Variants in RAD51B observed in about 807,000 individuals in gnomAD.
RAD51B encodes RAD51 paralog B.
A neutral mutation model predicts 42.2 loss-of-function variants in RAD51B; 38 were observed. The ratio of observed to expected loss-of-function variants is 0.90; its 90% CI spans 0.70 to 1.18. The LOEUF (loss-of-function observed/expected upper bound fraction) is 1.18, where lower values mean the gene tolerates loss of function less well. Ranked by LOEUF, RAD51B falls within the 50% of genes most tolerant of loss-of-function variation. The probability of loss-of-function intolerance (pLI) is 0.00; values close to 1 mark genes in which losing one functional copy is unlikely to be tolerated. For missense variants in RAD51B, 373 were observed against 400.7 expected, an observed-to-expected ratio of 0.93 and a Z score of 0.59; for synonymous variants, 154 against 145.2, an observed-to-expected ratio of 1.06 and a Z score of -0.43.
At chr14:68,104,142 G>T (rs949602539) in intron 7 of RAD51B, among the ~76,000 whole-genome samples, 1 of 152,146 alleles carries the variant, frequency 6.6e-6, no homozygotes, top group Non-Finnish European at 1.5e-5. Flanking sequence ...TTTTTATTTG[G>T]CATTTTTACT....
chr14:68,428,178 G>A (rs2084900047), intron 9 of RAD51B, among the ~76,000 whole-genome samples: 2 of 152,016 alleles, frequency 1.3e-5, no homozygotes, highest in Non-Finnish European at 2.9e-5. Context: ...CCCAGTCTGT[G>A]GTATTCAGTT....
chr14:68,387,774 A>G (rs1324919983), intron 8 of RAD51B, among the ~76,000 whole-genome samples: 1 of 152,104 alleles, frequency 6.6e-6, no homozygotes, highest in Non-Finnish European at 1.5e-5. Context: ...ACACTCTACC[A>G]CTACAACCAC....
chr14:68,369,624 A>G (rs1279612712), intron 8 of RAD51B, among the ~76,000 whole-genome samples: 2 of 152,124 alleles, frequency 1.3e-5, no homozygotes, highest in African/African-American at 2.4e-5. Context: ...TGTTCTTTCA[A>G]ATAGGTGCCA....
chr14:68,060,861 G>A (rs1341015336), intron 7 of RAD51B, among the ~76,000 whole-genome samples: 2 of 152,034 alleles, frequency 1.3e-5, no homozygotes, highest in African/African-American at 4.8e-5. Context: ...TGTTTTTAGT[G>A]CCTTTGTCAA....
At chr14:68,558,070 G>A (rs1888948032) in intron 10 of RAD51B, among the ~76,000 whole-genome samples, 1 of 152,228 alleles carries the variant, frequency 6.6e-6, no homozygotes, top group Non-Finnish European at 1.5e-5. Flanking sequence ...AGAGCTCAAA[G>A]GCTGTGCTGT....
intron 7 of RAD51B, among the ~76,000 whole-genome samples, chr14:68,002,420 T>C (rs2075502451): frequency 6.6e-6 from 1 of 152,160 alleles, no homozygotes; most frequent in Admixed American, 6.5e-5. Flanking sequence ...TCCTTGTAGA[T>C]GCTGGATGTT....
At chr14:68,312,509 AC>A (rs1320066292) in intron 8 of RAD51B, among the ~76,000 whole-genome samples, 1 of 152,210 alleles carries the variant, frequency 6.6e-6, no homozygotes, top group East Asian at 1.9e-4. Context: ...AGCTGGGTCA[AC>A]AGGTATAACC....
chr14:68,113,490 G>A (rs566359016), intron 7 of RAD51B, among the ~76,000 whole-genome samples: 6 of 152,196 alleles, frequency 3.9e-5, no homozygotes, highest in Admixed American at 2.0e-4. Context: ...ATAAGGAAAG[G>A]TTCCCTCATA....
At chr14:68,319,794 T>C (rs2082125533) in intron 8 of RAD51B, among the ~76,000 whole-genome samples, 1 of 152,180 alleles carries the variant, frequency 6.6e-6, no homozygotes, top group Admixed American at 6.5e-5. Context: ...CCTAGAGAAG[T>C]GGAGTCTCAC....
chr14:68,300,508 CGCTCTCCT>C (rs2081707093), intron 8 of RAD51B, among the ~76,000 whole-genome samples: 2 of 152,218 alleles, frequency 1.3e-5, no homozygotes, highest in Non-Finnish European at 2.9e-5. Flanking sequence ...CCACGCCCAG[CGCTCTCCT>C]TTCAAATAAA....
intron 7 of RAD51B, among the ~76,000 whole-genome samples, chr14:68,143,028 G>T (rs374641206): frequency 2.4e-4 from 37 of 151,208 alleles, no homozygotes; most frequent in Admixed American, 3.9e-4. Context: ...GGTGGGGGGG[G>T]AGTTATTATG....
chr14:68,334,565 G>A (rs2082408868), intron 8 of RAD51B, among the ~76,000 whole-genome samples: 1 of 152,096 alleles, frequency 6.6e-6, no homozygotes, highest in Non-Finnish European at 1.5e-5. Flanking sequence ...AAATCCATAT[G>A]TAAGTGGACC....
chr14:68,165,154 G>A (rs1426113722), intron 7 of RAD51B, among the ~76,000 whole-genome samples: 1 of 152,132 alleles, frequency 6.6e-6, no homozygotes, highest in Non-Finnish European at 1.5e-5. Context: ...GAGTAAAACG[G>A]AGGGTTGTTT....
chr14:68,106,284 A>G (rs1719681039), intron 7 of RAD51B, among the ~76,000 whole-genome samples: 1 of 148,072 alleles, frequency 6.8e-6, no homozygotes, highest in African/African-American at 2.6e-5. Flanking sequence ...TTTGTTTCTT[A>G]CTTAAAAAAA....
intron 8 of RAD51B, among the ~76,000 whole-genome samples, chr14:68,293,765 G>GAA (rs2081560077): frequency 6.6e-6 from 1 of 152,118 alleles, no homozygotes; most frequent in Non-Finnish European, 1.5e-5. Context: ...ACTGTATAAA[G>GAA]AAAAAGTCTA....
At chr14:68,644,209 G>A (rs4902623) in intron 10 of RAD51B, among the ~76,000 whole-genome samples, 93,698 of 152,108 alleles carry the variant, frequency 0.62, 29,364 homozygotes, top group East Asian at 0.95. Context: ...TCAGTAGTGA[G>A]TTCTTCTAAT....
At chr14:68,440,831 G>A (rs371960333) in intron 9 of RAD51B, among the ~76,000 whole-genome samples, 1 of 152,130 alleles carries the variant, frequency 6.6e-6, no homozygotes, top group Non-Finnish European at 1.5e-5. Context: ...CTAAATTATT[G>A]CATGTTCTAA....
intron 7 of RAD51B, among the ~76,000 whole-genome samples, chr14:68,285,128 G>T (rs980180964): frequency 6.6e-6 from 1 of 152,114 alleles, no homozygotes. Flanking sequence ...ACCACTCCAG[G>T]CCTTTCTCTC....
chr14:68,138,715 A>G (rs147609554), intron 7 of RAD51B, among the ~76,000 whole-genome samples: 224 of 152,308 alleles, frequency 1.5e-3, no homozygotes, highest in Non-Finnish European at 2.3e-3. Context: ...CTAACAAGGT[A>G]TAATTGTAAA....
Sources: gnomAD v4.1 joint callset for allele counts (sites outside exome capture counted in the v4.1 genomes callset) on GRCh38, gnomAD v4.1.1 for gene constraint, MANE v1.5 for transcripts, NCBI Gene and HGNC (gene_info 2026-07-23, HGNC 2026-07-21) for gene names.